Variants in KCTD2 observed in about 807,000 individuals in gnomAD.
The protein encoded by KCTD2 is BTB/POZ domain-containing protein KCTD2.
Under a neutral mutation model 27.9 loss-of-function variants are expected in KCTD2, and 18 were observed. The observed-to-expected ratio is 0.64, with a 90% CI of 0.45 to 0.96. The LOEUF is 0.96. Among genes scored for constraint, KCTD2 ranks in the 40% least tolerant of loss-of-function variants. The probability of loss-of-function intolerance (pLI) is 0.00; values close to 1 mark genes in which losing one functional copy is unlikely to be tolerated. For synonymous variants in KCTD2, 175 were observed against 148.4 expected, an observed-to-expected ratio of 1.18 and a Z score of -1.30; for missense variants, 280 against 348.0, an observed-to-expected ratio of 0.80 and a Z score of 1.56.
chr17:75,047,428 G>T lies in KCTD2; in HGVS notation c.178G>T (p.Gly60Ter). 7.2e-7 allele frequency: 1 copy of T among 1,395,364 alleles called. No homozygotes were observed. 86.4% of individuals were successfully genotyped at this position (1,395,364 alleles called of 1,614,324 possible). The change falls in exon 1 of 6, where the codon GGA becomes TGA. Residue 60 changes from glycine (G) to a stop codon, truncating the protein, a stop_gained. Coordinates refer to ENST00000322444, the MANE Select transcript of KCTD2 (RefSeq NM_015353.3). LOFTEE classifies it high-confidence loss of function. ...AVAQPLEPGP[G>*]PPERAGGGGA... ...CGCGCAGCCGCTGGAGCCGGGTCCCGGACCACCCGAGCGGGCAGGGGGCGG... is the reference window on the plus strand; with the variant it reads ...CGCGCAGCCGCTGGAGCCGGGTCCCTGACCACCCGAGCGGGCAGGGGGCGG...
In KCTD2 at chr17:75,053,027, A is replaced by G; in HGVS notation, c.462A>G (p.Glu154=). 1 of 1,614,132 alleles carries G rather than the reference A, an allele frequency of 6.2e-7. No homozygotes were observed. ...TCCTTGTTCCAGGTGTGCTGGAGGA[A>G]GCGGAGTTTTACAACATCGCGTCCC... The part of the protein sequence containing the change: ...KELAEEGVLE[E]AEFYNIASLV... The change falls in exon 3 of 6, where the codon GAA becomes GAG. Residue 154 remains glutamate, a synonymous_variant. Transcript: ENST00000322444.
At chr17:75,042,270 C>T, upstream of KCTD2, 1 of 1,614,000 alleles carries the variant, frequency 6.2e-7, no homozygotes, top group South Asian at 1.1e-5. Context: ...TCAGGTAAAG[C>T]AGCCAACCTG....
chr17:75,062,322 T>G (rs2073412387), intron 5 of KCTD2, 77 bp downstream of exon 5: 1 of 1,410,612 alleles, frequency 7.1e-7, no homozygotes, highest in Admixed American at 2.4e-5. Context: ...CCTGAACTCT[T>G]GCTCCTCACT....
intron 2 of KCTD2, among the ~76,000 whole-genome samples, chr17:75,052,590 G>A (rs924662494): frequency 1.3e-5 from 2 of 152,220 alleles, no homozygotes; most frequent in African/African-American, 4.8e-5. Flanking sequence ...AGGCGTGGTG[G>A]CAAGCGCCTG....
intron 2 of KCTD2, among the ~76,000 whole-genome samples, chr17:75,034,518 A>G (rs1012189374): frequency 5.3e-5 from 8 of 152,172 alleles, no homozygotes; most frequent in Non-Finnish European, 7.4e-5. Flanking sequence ...TAAGACGCTA[A>G]ACCCACGTGC....
At chr17:75,042,808 G>A, upstream of KCTD2, 3 of 814,898 alleles carry the variant, frequency 3.7e-6, no homozygotes, top group Non-Finnish European at 5.6e-6. Context: ...TTGAACCCAG[G>A]AGGTGGAGGT....
intron 3 of KCTD2, chr17:75,039,285 G>A (rs750312438): frequency 6.2e-7 from 1 of 1,613,488 alleles, no homozygotes; most frequent in Non-Finnish European, 8.5e-7. Flanking sequence ...TAAGAAGAAA[G>A]AGAAATTCAG....
chr17:75,036,259 G>A (rs1349424652), intron 3 of KCTD2, among the ~76,000 whole-genome samples: 1 of 151,578 alleles, frequency 6.6e-6, no homozygotes, highest in Non-Finnish European at 1.5e-5. Context: ...ACAAGCTGGG[G>A]CTACAGGCGC....
intron 1 of KCTD2, among the ~76,000 whole-genome samples, chr17:75,033,827 C>A (rs532057146): frequency 2.6e-5 from 4 of 152,194 alleles, no homozygotes; most frequent in Non-Finnish European, 4.4e-5. Context: ...CTCCATGGAT[C>A]GCGCCTCTGT....
rs1266389458 is a variant in KCTD2 at position 75,064,126 on chromosome 17, C to T, written c.*1079C>T. On this transcript the variant is annotated 3_prime_UTR_variant, in exon 6 of 6. Transcript: ENST00000322444. ...GGTATGTATGTATGTGCTAGGCAGTCTGGGGACCCCCTGTGTCTCTGACCA... is the reference window on the plus strand; with the variant it reads ...GGTATGTATGTATGTGCTAGGCAGTTTGGGGACCCCCTGTGTCTCTGACCA... The T allele has an allele frequency of 6.5e-6, 1 of 152,724 alleles. No individual in the cohort carries two copies. The highest frequency in any genetic ancestry group is 1.5e-5 in the Non-Finnish European group (1 of 68,144). The allele number at this position is 152,724 out of a possible 1,614,324, so 9.5% of individuals were successfully genotyped here.
At position 75,047,600 on chromosome 17, in the gene KCTD2, C is replaced by T. The variant is rs774090922; in HGVS notation, c.339+11C>T. The stretch of plus-strand genomic sequence containing the variant: ...CTGGACTCAGACAAGGTGTGCCCCG[C>T]CCTCGGGCGCGCCCCCGGGCCTTCG... On this transcript the variant is annotated intron_variant, in intron 1 of 5. Coordinates refer to ENST00000322444, the MANE Select transcript of KCTD2 (RefSeq NM_015353.3). 1.3e-4 allele frequency: 203 copies of T among 1,603,800 alleles called. No homozygotes were observed. Among genetic ancestry groups the T allele is most frequent in the Non-Finnish European group, 1.6e-4 (190 of 1,175,798 alleles).
At chr17:75,047,685 G>GC in intron 1 of KCTD2, 96 bp downstream of exon 1, 2 of 1,281,882 alleles carry the variant, frequency 1.6e-6, no homozygotes, top group South Asian at 2.9e-5. Flanking sequence ...CTCACAGGCA[G>GC]CCCCCTCAGG....
chr17:75,061,988 C>T (rs1436488384), intron 4 of KCTD2, 132 bp from the exon 5 acceptor site: 3 of 992,792 alleles, frequency 3.0e-6, no homozygotes, highest in African/African-American at 3.4e-5. Flanking sequence ...TTGGTAGTCA[C>T]AGAGAACTCA....
intron 1 of KCTD2, among the ~76,000 whole-genome samples, 161 bp downstream of exon 1, chr17:75,047,750 A>C (rs2073241472): frequency 2.7e-5 from 4 of 145,978 alleles, no homozygotes; most frequent in Admixed American, 6.8e-5. Flanking sequence ...CCTCAGAGGG[A>C]CCTCCCACTC....
At chr17:75,059,483 T>G in intron 3 of KCTD2, 27 bp from the exon 4 acceptor site, 1 of 1,570,078 alleles carries the variant, frequency 6.4e-7, no homozygotes, top group South Asian at 1.1e-5. Context: ...CTTGGTGCTG[T>G]TCTCAGTCTG....
At chr17:75,060,712 C>G (rs550566751) in intron 4 of KCTD2, 21 of 994,110 alleles carry the variant, frequency 2.1e-5, no homozygotes, top group African/African-American at 3.4e-5. Flanking sequence ...CGCCGCCACT[C>G]GCCACCCTGG....
intron 2 of KCTD2, among the ~76,000 whole-genome samples, chr17:75,051,631 C>T (rs1253511387): frequency 2.6e-5 from 4 of 151,314 alleles, no homozygotes; most frequent in Non-Finnish European, 5.9e-5. Flanking sequence ...TCTCTATTTC[C>T]CCCTCCCTAC....
chr17:75,041,532 C>G (rs75643864), intron 3 of KCTD2: 13,788 of 150,374 alleles, frequency 0.092, 1,306 homozygotes, highest in East Asian at 0.57. Context: ...GAGGCTAAGA[C>G]AGAAGGATGG....
chr17:75,055,522 C>G (rs1258285591), intron 3 of KCTD2, among the ~76,000 whole-genome samples: 3 of 151,360 alleles, frequency 2.0e-5, no homozygotes, highest in Non-Finnish European at 2.9e-5. Context: ...TCAAGACCAG[C>G]CTGGCCAACA....
Sources: gnomAD v4.1 joint callset for allele counts (sites outside exome capture counted in the v4.1 genomes callset) on GRCh38, gnomAD v4.1.1 for gene constraint, MANE v1.5 for transcripts, NCBI Gene and HGNC (gene_info 2026-07-23, HGNC 2026-07-21) for gene names.